Variants in MAGED1 observed in about 807,000 individuals in gnomAD.
The protein encoded by MAGED1 is melanoma-associated antigen D1.
MAGED1 carries 3 observed loss-of-function variants against 54.1 expected under a neutral mutation model. The ratio of observed to expected loss-of-function variants is 0.06; its 90% CI spans 0.03 to 0.14. MAGED1 has a LOEUF of 0.14. MAGED1 is among the 10% of genes least tolerant of loss of function. The probability of loss-of-function intolerance (pLI) is 1.00; values close to 1 mark genes in which losing one functional copy is unlikely to be tolerated. For missense variants in MAGED1, 485 were observed against 623.4 expected (o/e 0.78, Z 2.36); for synonymous variants, 217 against 227.3 (o/e 0.95, Z 0.41).
chrX:51,890,850 G>C (rs1226604309), upstream of MAGED1, among the ~76,000 whole-genome samples: 2 of 82,804 alleles, frequency 2.4e-5, no homozygotes, highest in Non-Finnish European at 5.1e-5. Flanking sequence ...AAAAAAAAAA[G>C]GAAAAGTCTT....
chrX:51,825,175 G>A (rs1925809290), intron 1 of MAGED1, among the ~76,000 whole-genome samples: 1 of 110,237 alleles, frequency 9.1e-6, no homozygotes, highest in Non-Finnish European at 1.9e-5. Context: ...AGAGGCCATG[G>A]CTTGGGAGTT....
chrX:51,876,798 A>G (rs1436912527), intron 1 of MAGED1, among the ~76,000 whole-genome samples: 2 of 110,690 alleles, frequency 1.8e-5, no homozygotes, highest in Non-Finnish European at 3.8e-5. Context: ...TTTAAAGGCT[A>G]TATGGCTTTA....
chrX:51,814,742 C>T (rs953358916), intron 1 of MAGED1, among the ~76,000 whole-genome samples: 9 of 110,164 alleles, frequency 8.2e-5, no homozygotes, highest in African/African-American at 3.0e-4. Context: ...GCGTTACTCA[C>T]GTATTTATGG....
chrX:51,883,435 G>A (rs1335249894), intron 1 of MAGED1, among the ~76,000 whole-genome samples: 2 of 111,957 alleles, frequency 1.8e-5, no homozygotes, highest in Non-Finnish European at 3.8e-5. Flanking sequence ...ATGGTGACAG[G>A]AAGCTCCTCA....
chrX:51,859,520 T>C (rs1478876593), intron 1 of MAGED1, among the ~76,000 whole-genome samples: 1 of 112,058 alleles, frequency 8.9e-6, no homozygotes, highest in Non-Finnish European at 1.9e-5. Context: ...TGCAGAATCA[T>C]GCGGCCCACA....
At chrX:51,898,542 A>C in intron 9 of MAGED1, 39 bp from the exon 10 acceptor site, 9 of 1,150,973 alleles carry the variant, frequency 7.8e-6, no homozygotes, top group South Asian at 1.9e-5. Context: ...TGGGCATGGT[A>C]ATAGCCTCTG....
rs190461126 is a variant in MAGED1, at chrX:51,807,809, A to G, written c.-37+4692A>G. 2.4e-4 allele frequency among the ~76,000 whole-genome samples: 27 copies of G among 112,125 alleles called. No individual in the cohort carries two copies. The East Asian group carries it at 7.6e-3, about 31-fold the overall frequency. On this transcript the variant is annotated intron_variant, in intron 1 of 12. Transcript: ENST00000375772. ...TGTATGAATACCACTGTCTTAATTA[A>G]TGTAACTTCACAACATGCCTTATGT... is the stretch of plus-strand genomic sequence containing the variant.
intron 1 of MAGED1, among the ~76,000 whole-genome samples, chrX:51,867,293 G>T (rs1219914785): frequency 9.0e-6 from 1 of 111,620 alleles, no homozygotes; most frequent in Non-Finnish European, 1.9e-5. Context: ...TATTAGTCAG[G>T]GTTCTCTAGA....
chrX:51,864,932 T>G (rs782498076), intron 1 of MAGED1, among the ~76,000 whole-genome samples: 4 of 112,232 alleles, frequency 3.6e-5, no homozygotes, highest in Non-Finnish European at 3.8e-5. Flanking sequence ...CCAATTTGGA[T>G]GCATTTTATT....
intron 1 of MAGED1, among the ~76,000 whole-genome samples, chrX:51,835,025 T>A (rs1005962348): frequency 1.8e-5 from 2 of 112,106 alleles, no homozygotes; most frequent in African/African-American, 6.5e-5. Flanking sequence ...TTTGCTATTC[T>A]TGAATTTTCT....
chrX:51,826,617 T>C (rs1193352120), intron 1 of MAGED1, among the ~76,000 whole-genome samples: 1 of 112,028 alleles, frequency 8.9e-6, no homozygotes, highest in African/African-American at 3.2e-5. Flanking sequence ...ACAGATAATA[T>C]ATAAGCATGT....
chrX:51,894,450 A>G (rs1232101857), intron 2 of MAGED1, 101 bp downstream of exon 2: 1 of 891,890 alleles, frequency 1.1e-6, no homozygotes, highest in Non-Finnish European at 1.6e-6. Context: ...GTTTGACCCT[A>G]TTTAGTGACT....
At chrX:51,899,574 C>G (rs1480186463) in intron 10 of MAGED1, 1 of 111,172 alleles carries the variant, frequency 9.0e-6, no homozygotes, top group African/African-American at 3.3e-5. Flanking sequence ...TCCCGAGTAA[C>G]TGGAACTTCA....
At chrX:51,871,942 T>C (rs1173988575) in intron 1 of MAGED1, among the ~76,000 whole-genome samples, 1 of 111,848 alleles carries the variant, frequency 8.9e-6, no homozygotes, top group East Asian at 2.8e-4. Context: ...ATCTGTTGTT[T>C]CCTGACTTTT....
rs200548781 is a variant in MAGED1, at chrX:51,901,819, C to T, written c.2226C>T (p.Ala742=). 1.3e-4 allele frequency: 152 copies of T among 1,209,446 alleles called. No individual in the cohort carries two copies. Among genetic ancestry groups the T allele is most frequent in the Non-Finnish European group, 1.6e-4 (144 of 895,171 alleles). ...TCTGGGCCAGATACCACCAGAATGC[C>T]CGCTCCAGATTCCCTCAGACCTTTG... The part of the protein sequence containing the change: ...FTFWARYHQN[A]RSRFPQTFAG... The change falls in exon 12 of 13, where the codon GCC becomes GCT. Residue 742 remains alanine, a synonymous_variant. Coordinates refer to ENST00000326587, the MANE Select transcript of MAGED1 (RefSeq NM_006986.4).
At chrX:51,845,932 C>T (rs1569555696) in intron 1 of MAGED1, among the ~76,000 whole-genome samples, 1 of 110,536 alleles carries the variant, frequency 9.0e-6, no homozygotes, top group Non-Finnish European at 1.9e-5. Context: ...CATACCACCA[C>T]GCCCGGGTAA....
intron 1 of MAGED1, among the ~76,000 whole-genome samples, chrX:51,884,119 C>T (rs1174864280): frequency 5.4e-5 from 6 of 110,833 alleles, no homozygotes; most frequent in Non-Finnish European, 9.5e-5. Flanking sequence ...CTGAAAATGT[C>T]CCAAATTTGG....
At chrX:51,866,346 C>A (rs1389054319) in intron 1 of MAGED1, among the ~76,000 whole-genome samples, 1 of 111,855 alleles carries the variant, frequency 8.9e-6, no homozygotes, top group East Asian at 2.8e-4. Context: ...CAACTATGTG[C>A]AGATATGAAT....
At chrX:51,837,279 G>T (rs946364228) in intron 1 of MAGED1, among the ~76,000 whole-genome samples, 2 of 112,115 alleles carry the variant, frequency 1.8e-5, no homozygotes, top group African/African-American at 6.5e-5. Context: ...AAAGTGTTAA[G>T]ATTCTCATAA....
Sources: allele counts gnomAD v4.1 joint callset (sites outside exome capture counted in the v4.1 genomes callset), GRCh38; gene constraint gnomAD v4.1.1; transcripts MANE v1.5; gene names NCBI Gene and HGNC (gene_info 2026-07-23, HGNC 2026-07-21).